ZNF521: variants seen among roughly 807,000 people sequenced by gnomAD.
ZNF521 encodes the protein LYST-interacting protein 3.
Under a neutral mutation model 105.5 loss-of-function variants are expected in ZNF521, and 14 were observed. The ratio of observed to expected loss-of-function variants is 0.13; its 90% CI spans 0.09 to 0.21. ZNF521 has a LOEUF of 0.21. Ranked by LOEUF, ZNF521 falls within the 10% of genes least tolerant of loss-of-function variation. The probability of loss-of-function intolerance (pLI) is 1.00; values close to 1 mark genes in which losing one functional copy is unlikely to be tolerated. For missense variants in ZNF521, 1,233 were observed against 1,629.7 expected (o/e 0.76, Z 4.19); for synonymous variants, 635 against 606.0 (o/e 1.05, Z -0.70).
At chr18:25,266,337 AC>A (rs1909249326) in intron 3 of ZNF521, among the ~76,000 whole-genome samples, 1 of 152,234 alleles carries the variant, frequency 6.6e-6, no homozygotes, top group East Asian at 1.9e-4. Context: ...AAATTAAAAA[AC>A]AATTTTATTA....
At position 25,062,529 on chromosome 18, in the gene ZNF521, G is replaced by A; in HGVS notation, c.*183C>T. 1 of 706,924 alleles carries A rather than the reference G, an allele frequency of 1.4e-6. No individual in the cohort carries two copies. The highest frequency in any genetic ancestry group is 3.2e-5 in the Admixed American group (1 of 31,574). 43.8% of individuals were successfully genotyped at this position (706,924 alleles called of 1,614,324 possible). Reference sequence around the variant, plus strand: ...ACATGTGCAACACTTTATATACAAGGGGTCTATCCGGTGCGCAAAAGTTCA... The same window carrying A: ...ACATGTGCAACACTTTATATACAAGAGGTCTATCCGGTGCGCAAAAGTTCA... On this transcript the variant is annotated 3_prime_UTR_variant, in exon 8 of 8. Transcript: ENST00000361524.
chr18:25,242,913 A>G (rs945254818), intron 3 of ZNF521, among the ~76,000 whole-genome samples: 3 of 152,190 alleles, frequency 2.0e-5, no homozygotes, highest in African/African-American at 7.2e-5. Context: ...ATCGTGTTAC[A>G]ATACGTTCTC....
chr18:25,175,639 G>A (rs568551923), intron 5 of ZNF521, among the ~76,000 whole-genome samples: 2 of 152,286 alleles, frequency 1.3e-5, no homozygotes, highest in South Asian at 4.1e-4. Flanking sequence ...TGAAAAGCTT[G>A]TGATACCTGG....
intron 3 of ZNF521, among the ~76,000 whole-genome samples, chr18:25,271,140 G>C (rs1909631655): frequency 6.6e-6 from 1 of 152,100 alleles, no homozygotes; most frequent in Admixed American, 6.6e-5. Flanking sequence ...GACAAACAGA[G>C]AGCCAAATCA....
chr18:25,079,352 G>T (rs186313196), intron 7 of ZNF521, among the ~76,000 whole-genome samples: 1 of 152,166 alleles, frequency 6.6e-6, no homozygotes, highest in South Asian at 2.1e-4. Context: ...TCCACGCTCA[G>T]GCCATGGGTC....
intron 4 of ZNF521, among the ~76,000 whole-genome samples, chr18:25,214,933 G>T (rs999571853): frequency 3.3e-5 from 5 of 152,058 alleles, no homozygotes; most frequent in Non-Finnish European, 7.4e-5. Context: ...ATAGGAAACA[G>T]AAACAAAGTT....
intron 3 of ZNF521, chr18:25,303,040 G>C (rs928838150): frequency 6.6e-6 from 1 of 152,184 alleles, no homozygotes; most frequent in African/African-American, 2.4e-5. Flanking sequence ...AACTCAGGCA[G>C]CAGGGCCTGT....
chr18:25,130,928 A>AT (rs1567975477), intron 5 of ZNF521, among the ~76,000 whole-genome samples: 1 of 151,346 alleles, frequency 6.6e-6, no homozygotes, highest in Non-Finnish European at 1.5e-5. Flanking sequence ...GGGTGAAAGA[A>AT]TGAGATCCTG....
chr18:25,140,185 T>G (rs2034820409), intron 5 of ZNF521, among the ~76,000 whole-genome samples: 1 of 152,208 alleles, frequency 6.6e-6, no homozygotes, highest in African/African-American at 2.4e-5. Flanking sequence ...CAGAAATTTC[T>G]ATCTACTCCT....
chr18:25,318,429 A>G (rs1343298428), intron 3 of ZNF521, among the ~76,000 whole-genome samples: 1 of 152,142 alleles, frequency 6.6e-6, no homozygotes, highest in Non-Finnish European at 1.5e-5. Context: ...ACCAAATTAT[A>G]TACTTATAAT....
intron 3 of ZNF521, among the ~76,000 whole-genome samples, chr18:25,290,456 T>C (rs773330621): frequency 1.3e-5 from 2 of 152,176 alleles, no homozygotes; most frequent in Admixed American, 6.5e-5. Flanking sequence ...CTCTTATTCC[T>C]GGGCCCCTCG....
intron 4 of ZNF521, among the ~76,000 whole-genome samples, chr18:25,216,493 A>G (rs1418694524): frequency 2.0e-5 from 3 of 152,232 alleles, no homozygotes; most frequent in East Asian, 1.9e-4. Context: ...CATTTATTCA[A>G]CTAACATTTA....
chr18:25,164,734 T>C lies in ZNF521; in HGVS notation c.3658+30426A>G, dbSNP rs111628432. ...TTAGAGTGCCAGGAGATCACACTGC[T>C]GCCCCTCCCTGGGCACCCCCAGGAG... On this transcript the variant is annotated intron_variant, in intron 5 of 7. Transcript: ENST00000361524. Among the ~76,000 whole-genome samples the C allele has an allele frequency of 3.9e-5, 6 of 152,302 alleles. 1 individual carries two copies. The highest frequency in any genetic ancestry group is 1.4e-4 in the African/African-American group (6 of 41,584).
intron 5 of ZNF521, among the ~76,000 whole-genome samples, chr18:25,154,522 A>G (rs2035107512): frequency 6.6e-6 from 1 of 152,186 alleles, no homozygotes; most frequent in African/African-American, 2.4e-5. Context: ...TAATCACTCA[A>G]TCAACAAATT....
At chr18:25,230,133 C>T (rs1050331342) in intron 3 of ZNF521, among the ~76,000 whole-genome samples, 3 of 152,138 alleles carry the variant, frequency 2.0e-5, no homozygotes, top group African/African-American at 7.2e-5. Flanking sequence ...GAGCAGAAAC[C>T]TTTTCTTTCT....
intron 3 of ZNF521, among the ~76,000 whole-genome samples, chr18:25,279,529 T>C (rs1910234612): frequency 6.6e-6 from 1 of 152,216 alleles, no homozygotes. Context: ...GGGGAAAAAC[T>C]TGTTTTGCAG....
In ZNF521 at chr18:25,157,763, T is replaced by A. The variant is rs997085434; in HGVS notation, c.3658+37397A>T. 2.0e-5 allele frequency among the ~76,000 whole-genome samples: 3 copies of A among 152,284 alleles called. No individual in the cohort carries two copies. The South Asian group carries it at 6.2e-4, about 32-fold the overall frequency. On this transcript the variant is annotated intron_variant, in intron 5 of 7. Coordinates refer to ENST00000361524, the MANE Select transcript of ZNF521 (RefSeq NM_015461.3). ...GGGAAGCTACTAAACCTTCTTTTTT[T>A]TTTTTGAGACGGAGTCTTGCACTGT...
At chr18:25,212,538 A>T (rs7232535) in intron 4 of ZNF521, among the ~76,000 whole-genome samples, 557 of 47,362 alleles carry the variant, frequency 0.012, 5 homozygotes, top group African/African-American at 0.026. Context: ...AAAAAAAAAA[A>T]ATATATATAT....
At chr18:25,345,759 C>G (rs1186092248) in intron 2 of ZNF521, among the ~76,000 whole-genome samples, 1 of 152,114 alleles carries the variant, frequency 6.6e-6, no homozygotes, top group Non-Finnish European at 1.5e-5. Context: ...ACTTCAACAT[C>G]TAGTCAGTAT....
Sources: allele counts gnomAD v4.1 joint callset (sites outside exome capture counted in the v4.1 genomes callset), GRCh38; gene constraint gnomAD v4.1.1; transcripts MANE v1.5; gene names NCBI Gene and HGNC (gene_info 2026-07-23, HGNC 2026-07-21).